CDK14: variants seen among roughly 807,000 people sequenced by gnomAD.
The protein encoded by CDK14 is cyclin dependent kinase 14.
Under a neutral mutation model 60.7 loss-of-function variants are expected in CDK14, and 34 were observed. The ratio of observed to expected loss-of-function variants is 0.56; its 90% CI spans 0.43 to 0.75. CDK14 has a LOEUF of 0.75. Among genes scored for constraint, CDK14 ranks in the 30% least tolerant of loss-of-function variants. CDK14 has a pLI of 0.00. For synonymous variants in CDK14, 197 were observed against 203.7 expected (o/e 0.97, Z 0.28); for missense variants, 482 against 564.1 (o/e 0.85, Z 1.47).
chr7:90,789,412 T>C (rs1414273425), intron 4 of CDK14, among the ~76,000 whole-genome samples: 1 of 152,176 alleles, frequency 6.6e-6, no homozygotes, highest in Non-Finnish European at 1.5e-5. Context: ...TTGTACCTTT[T>C]ACATTTTTAA....
chr7:90,703,636 G>T (rs1352984016), intron 2 of CDK14, among the ~76,000 whole-genome samples: 1 of 152,144 alleles, frequency 6.6e-6, no homozygotes, highest in Non-Finnish European at 1.5e-5. Flanking sequence ...CTGAGATGCA[G>T]ACAAATTATT....
chr7:91,077,446 A>T (rs1379946306), intron 11 of CDK14, among the ~76,000 whole-genome samples: 1 of 152,036 alleles, frequency 6.6e-6, no homozygotes, highest in Non-Finnish European at 1.5e-5. Flanking sequence ...AACAATGTGA[A>T]CATATGGACA....
chr7:91,194,305 A>G (rs1802463448), intron 14 of CDK14, among the ~76,000 whole-genome samples: 1 of 152,234 alleles, frequency 6.6e-6, no homozygotes, highest in African/African-American at 2.4e-5. Context: ...TAAAAAACAA[A>G]AGAGCTTTTT....
chr7:90,828,923 G>A (rs140210465), intron 5 of CDK14, among the ~76,000 whole-genome samples: 5 of 152,204 alleles, frequency 3.3e-5, no homozygotes, highest in Non-Finnish European at 7.4e-5. Context: ...CTGGAGATTG[G>A]GCAATTTATA....
rs193155561 is a variant in CDK14, at chr7:90,831,436, G to A, written c.545-31739G>A. Among the ~76,000 whole-genome samples, 623 of 152,244 alleles carry A rather than the reference G, an allele frequency of 4.1e-3. 3 individuals carry two copies. Among genetic ancestry groups the A allele is most frequent in the Non-Finnish European group, 5.0e-3 (343 of 68,012 alleles). On this transcript the variant is annotated intron_variant, in intron 5 of 14. Coordinates refer to ENST00000380050, the MANE Select transcript of CDK14 (RefSeq NM_001287135.2). The stretch of plus-strand genomic sequence containing the variant: ...CGATGATCCAATCACCTCCCACCAG[G>A]ACCCTCCCCTTGACACATGGAGATT...
intron 5 of CDK14, among the ~76,000 whole-genome samples, chr7:90,805,546 A>T (rs914119967): frequency 1.3e-5 from 2 of 152,140 alleles, no homozygotes; most frequent in Non-Finnish European, 1.5e-5. Flanking sequence ...TATAATAAAA[A>T]AGAAATACCT....
At chr7:90,707,831 TGAA>T (rs1174868374) in intron 2 of CDK14, among the ~76,000 whole-genome samples, 1 of 152,208 alleles carries the variant, frequency 6.6e-6, no homozygotes, top group East Asian at 1.9e-4. Flanking sequence ...TTATTTATAC[TGAA>T]TAGAGCACTC....
At position 91,112,683 on chromosome 7, in the gene CDK14, T is replaced by G; in HGVS notation, c.1294+2T>G. The G allele has an allele frequency of 6.2e-7, 1 of 1,613,138 alleles. No homozygotes were observed. The highest frequency in any genetic ancestry group is 8.5e-7 in the Non-Finnish European group (1 of 1,179,592). ...CACGGCTATGGGAACTCACCGACAG[T>G]GAGTATGACAAATCCACAACATCCA... On this transcript the variant is annotated splice_donor_variant, in intron 13 of 14. Coordinates refer to ENST00000380050, the MANE Select transcript of CDK14 (RefSeq NM_001287135.2). LOFTEE classifies it high-confidence loss of function.
intron 4 of CDK14, among the ~76,000 whole-genome samples, chr7:90,766,168 A>G (rs1329715217): frequency 6.6e-6 from 1 of 151,504 alleles, no homozygotes; most frequent in Non-Finnish European, 1.5e-5. Context: ...CTTCATTGAT[A>G]CTAGTTGTGA....
chr7:90,980,847 G>T (rs771980550), intron 9 of CDK14, among the ~76,000 whole-genome samples: 7 of 152,124 alleles, frequency 4.6e-5, no homozygotes, highest in Non-Finnish European at 1.0e-4. Flanking sequence ...GCATAGAATA[G>T]ATTTGTCTTT....
At chr7:91,179,646 C>CA (rs1801927974) in intron 14 of CDK14, among the ~76,000 whole-genome samples, 1 of 151,638 alleles carries the variant, frequency 6.6e-6, no homozygotes, top group South Asian at 2.1e-4. Context: ...ACTAAAAATA[C>CA]AAAAAAATTA....
At chr7:90,932,191 T>C (rs2117475418) in intron 8 of CDK14, among the ~76,000 whole-genome samples, 1 of 152,216 alleles carries the variant, frequency 6.6e-6, no homozygotes, top group Middle Eastern at 3.4e-3. Context: ...CTTCTGTGAA[T>C]CTGAAAAGTC....
chr7:91,103,679 T>C (rs1399230558), intron 12 of CDK14, among the ~76,000 whole-genome samples: 1 of 152,170 alleles, frequency 6.6e-6, no homozygotes, highest in Non-Finnish European at 1.5e-5. Context: ...AGACAATCTA[T>C]TCCATCTTCC....
At chr7:91,076,242 CAAAAAAAAAAAAAAAAAAAAAAAAAAAA>C (rs564729987) in intron 11 of CDK14, among the ~76,000 whole-genome samples, 5 of 28,760 alleles carry the variant, frequency 1.7e-4, no homozygotes, top group African/African-American at 2.9e-4. Context: ...CTACAGTAAC[CAAAAAAAAAAAAAAAAAAAAAAAAAAAA>C]AAAAAATCAT....
chr7:90,757,209 AGTGTGTGTGTGTGTGT>A (rs56790315), intron 4 of CDK14, among the ~76,000 whole-genome samples: 6 of 120,384 alleles, frequency 5.0e-5, no homozygotes, highest in African/African-American at 1.6e-4. Context: ...GCATTCTTCC[AGTGTGTGTGTGTGTGT>A]GTGTGTGTGT....
intron 2 of CDK14, among the ~76,000 whole-genome samples, chr7:90,662,537 G>A (rs927256172): frequency 6.6e-6 from 1 of 152,188 alleles, no homozygotes; most frequent in Non-Finnish European, 1.5e-5. Context: ...TAATTCCTCT[G>A]TTAAGAGGAA....
At chr7:90,701,559 C>G (rs1280749496) in intron 2 of CDK14, among the ~76,000 whole-genome samples, 1 of 152,150 alleles carries the variant, frequency 6.6e-6, no homozygotes, top group Admixed American at 6.5e-5. Flanking sequence ...TTGTATCTCC[C>G]TTTCCTAGAG....
chr7:90,926,267 A>G (rs1793412348), intron 8 of CDK14, among the ~76,000 whole-genome samples: 1 of 152,192 alleles, frequency 6.6e-6, no homozygotes. Flanking sequence ...TGTCAGGAAG[A>G]TGAGACCCAG....
At chr7:90,607,779 C>T (rs1799448456) in intron 2 of CDK14, among the ~76,000 whole-genome samples, 1 of 152,136 alleles carries the variant, frequency 6.6e-6, no homozygotes, top group African/African-American at 2.4e-5. Context: ...GATCATTTTG[C>T]TTTTCATTCA....
Sources: allele counts gnomAD v4.1 joint callset (sites outside exome capture counted in the v4.1 genomes callset), GRCh38; gene constraint gnomAD v4.1.1; transcripts MANE v1.5; gene names NCBI Gene and HGNC (gene_info 2026-07-23, HGNC 2026-07-21).